TAFA4: variants seen among roughly 807,000 people sequenced by gnomAD.
The protein encoded by TAFA4 is chemokine-like protein TAFA-4.
TAFA4 carries 20 observed loss-of-function variants against 21.1 expected under a neutral mutation model. The observed-to-expected ratio is 0.95, with a 90% CI of 0.67 to 1.38. The LOEUF (loss-of-function observed/expected upper bound fraction) is 1.38. TAFA4 is among the 40% of genes most tolerant of loss of function. The pLI is 0.00. For missense variants in TAFA4, 211 were observed against 180.9 expected (o/e 1.17, Z -0.95); for synonymous variants, 71 against 67.4 (o/e 1.05, Z -0.26).
At chr3:68,761,464 C>T (rs1188595392) in intron 3 of TAFA4, among the ~76,000 whole-genome samples, 1 of 152,072 alleles carries the variant, frequency 6.6e-6, no homozygotes, top group East Asian at 1.9e-4. Context: ...CTGAGTGAGA[C>T]ATTAAAGCTG....
At chr3:68,912,096 C>T (rs1436815717) in intron 1 of TAFA4, among the ~76,000 whole-genome samples, 2 of 152,186 alleles carry the variant, frequency 1.3e-5, no homozygotes, top group Non-Finnish European at 2.9e-5. Context: ...CACCCCGCAA[C>T]TCACTGGGAG....
At chr3:68,829,974 T>C (rs1216549225) in intron 3 of TAFA4, among the ~76,000 whole-genome samples, 1 of 152,218 alleles carries the variant, frequency 6.6e-6, no homozygotes, top group Non-Finnish European at 1.5e-5. Context: ...TTTATTTGCA[T>C]AGAGGTGTTT....
intron 3 of TAFA4, among the ~76,000 whole-genome samples, chr3:68,875,971 T>A (rs1425462234): frequency 6.6e-6 from 1 of 150,540 alleles, no homozygotes; most frequent in Non-Finnish European, 1.5e-5. Context: ...TAAAAGAAAT[T>A]AAGTGAAATA....
Position 68,779,553 on chromosome 3 carries a change from C to T in TAFA4, c.131-26535G>A, listed in dbSNP as rs200193442. Among the ~76,000 whole-genome samples the T allele has an allele frequency of 1.5e-4, 23 of 152,256 alleles. No individual in the cohort carries two copies. The East Asian group carries it at 4.3e-3, about 28-fold the overall frequency. ...GTGCCCTGCATCCTAACTGCTCCAG[C>T]CATGACTCAAGGGGCCAAAGTACAG... On this transcript the variant is annotated intron_variant, in intron 3 of 5. Transcript: ENST00000295569.
intron 3 of TAFA4, among the ~76,000 whole-genome samples, chr3:68,784,507 AGGCG>A (rs1703212941): frequency 6.6e-6 from 1 of 151,938 alleles, no homozygotes; most frequent in Admixed American, 6.6e-5. Flanking sequence ...ACAGCTCTTA[AGGCG>A]GTGCCTCTGG....
chr3:68,809,876 A>C (rs1443667300), intron 3 of TAFA4, among the ~76,000 whole-genome samples: 1 of 152,118 alleles, frequency 6.6e-6, no homozygotes, highest in East Asian at 1.9e-4. Context: ...TGGTCCGTAA[A>C]TGTGTGGATT....
At chr3:68,872,736 G>C (rs1048492981) in intron 3 of TAFA4, among the ~76,000 whole-genome samples, 2 of 152,022 alleles carry the variant, frequency 1.3e-5, no homozygotes, top group Non-Finnish European at 2.9e-5. Context: ...ATAATACCAA[G>C]CTCTTTAGAT....
At chr3:68,856,921 C>T (rs1380462740) in intron 3 of TAFA4, among the ~76,000 whole-genome samples, 2 of 152,064 alleles carry the variant, frequency 1.3e-5, no homozygotes, top group South Asian at 2.1e-4. Context: ...GAGTTACACA[C>T]AGAATGGGTC....
chr3:68,841,629 T>C (rs1257174486), intron 3 of TAFA4, among the ~76,000 whole-genome samples: 1 of 152,124 alleles, frequency 6.6e-6, no homozygotes, highest in Non-Finnish European at 1.5e-5. Flanking sequence ...ACACGTGCCA[T>C]GGTGGTTTGC....
chr3:68,925,420 C>T (rs2090098895), intron 1 of TAFA4, among the ~76,000 whole-genome samples: 1 of 152,128 alleles, frequency 6.6e-6, no homozygotes, highest in African/African-American at 2.4e-5. Flanking sequence ...TTGTTGCCCC[C>T]AACGATACAT....
intron 3 of TAFA4, among the ~76,000 whole-genome samples, chr3:68,851,317 C>T (rs1008624490): frequency 1.3e-5 from 2 of 151,952 alleles, no homozygotes; most frequent in Non-Finnish European, 2.9e-5. Context: ...GGGAGGGGAA[C>T]AACACACACT....
chr3:68,735,273 G>T (rs1702217643), intron 5 of TAFA4, among the ~76,000 whole-genome samples: 1 of 152,166 alleles, frequency 6.6e-6, no homozygotes, highest in Non-Finnish European at 1.5e-5. Context: ...GCCCATTTAA[G>T]ATGCTTATAA....
At chr3:68,856,810 C>T (rs1426128963) in intron 3 of TAFA4, among the ~76,000 whole-genome samples, 2 of 152,080 alleles carry the variant, frequency 1.3e-5, no homozygotes, top group South Asian at 2.1e-4. Flanking sequence ...CAAAACCTAC[C>T]GCTGGAGCAG....
intron 3 of TAFA4, among the ~76,000 whole-genome samples, chr3:68,776,477 T>G (rs986689612): frequency 3.3e-5 from 5 of 152,178 alleles, no homozygotes; most frequent in Non-Finnish European, 7.4e-5. Flanking sequence ...ATAGAAAGCC[T>G]GAAAGTGTAT....
At chr3:68,760,512 C>T (rs1440194333) in intron 3 of TAFA4, among the ~76,000 whole-genome samples, 1 of 152,148 alleles carries the variant, frequency 6.6e-6, no homozygotes, top group African/African-American at 2.4e-5. Flanking sequence ...TTTTCCCCTT[C>T]CTCCTCCTGC....
chr3:68,837,297 C>T (rs1704547522), intron 3 of TAFA4, among the ~76,000 whole-genome samples: 1 of 152,202 alleles, frequency 6.6e-6, no homozygotes. Flanking sequence ...GGCCCCACTC[C>T]AGACCTGAAT....
chr3:68,813,978 T>G (rs536325612), intron 3 of TAFA4, among the ~76,000 whole-genome samples: 184 of 152,274 alleles, frequency 1.2e-3, no homozygotes, highest in African/African-American at 3.9e-3. Context: ...ATGATCAAGT[T>G]GGCTTCATCC....
intron 4 of TAFA4, among the ~76,000 whole-genome samples, chr3:68,749,555 C>T (rs1250815274): frequency 6.6e-6 from 1 of 152,204 alleles, no homozygotes; most frequent in Non-Finnish European, 1.5e-5. Flanking sequence ...GAAACATATT[C>T]AGATAAGGAA....
At chr3:68,818,026 G>A (rs1401166438) in intron 3 of TAFA4, among the ~76,000 whole-genome samples, 1 of 152,142 alleles carries the variant, frequency 6.6e-6, no homozygotes, top group African/African-American at 2.4e-5. Context: ...GTCCTAGATG[G>A]CATTTTCTTC....
Sources: allele counts gnomAD v4.1 joint callset (sites outside exome capture counted in the v4.1 genomes callset), GRCh38; gene constraint gnomAD v4.1.1; transcripts MANE v1.5; gene names NCBI Gene and HGNC (gene_info 2026-07-23, HGNC 2026-07-21).